The following VDR variants were observed in gnomAD, a reference collection of about 807,000 sequenced individuals.
The protein encoded by VDR is vitamin D receptor, also known as vitamin D3 receptor.
In VDR, 19 loss-of-function variants were observed where a neutral mutation model predicts 39.7. That is an observed-to-expected ratio of 0.48 (90% CI 0.33 to 0.70). The LOEUF is 0.70. VDR is among the 30% of genes least tolerant of loss of function. The probability of loss-of-function intolerance (pLI) is 0.02; values close to 1 mark genes in which losing one functional copy is unlikely to be tolerated. For synonymous variants in VDR, 242 were observed against 215.8 expected (o/e 1.12, Z -1.07); for missense variants, 442 against 570.5 (o/e 0.77, Z 2.29).
chr12:47,855,608 A>G, intron 7 of VDR, 22 bp downstream of exon 7: 1 of 1,613,924 alleles, frequency 6.2e-7, no homozygotes, highest in South Asian at 1.1e-5. Context: ...TCTGTTCCCC[A>G]GAGATTGCAG....
intron 1 of VDR, among the ~76,000 whole-genome samples, chr12:47,889,819 AC>A (rs1460349597): frequency 6.6e-6 from 1 of 152,204 alleles, no homozygotes; most frequent in East Asian, 1.9e-4. Flanking sequence ...GAAAACAAAA[AC>A]AAAAACAAAA....
intron 1 of VDR, among the ~76,000 whole-genome samples, chr12:47,895,572 G>A (rs3890734): frequency 0.27 from 40,553 of 151,858 alleles, 6,180 homozygotes; most frequent in Non-Finnish European, 0.34. Flanking sequence ...ACAGGAACAG[G>A]GTTTTTCCTA....
chr12:47,902,225 A>G (rs1303601482), intron 1 of VDR, among the ~76,000 whole-genome samples: 2 of 152,338 alleles, frequency 1.3e-5, no homozygotes, highest in South Asian at 2.1e-4. Flanking sequence ...CCAGTTTGCA[A>G]GATACATTAC....
In VDR at chr12:47,855,662, G is replaced by A. The variant is rs1264205729; in HGVS notation, c.723C>T (p.Val241=). Residue 241 remains valine, a synonymous_variant, in exon 7 of 10, where the codon GTC becomes GTT. Transcript: ENST00000549336. The stretch of plus-strand genomic sequence containing the variant: ...CTGGTATCATCTTAGCAAAGCCAAT[G>A]ACCTTTTGGATGCTGTAACTGACCA... The part of the protein sequence containing the change: ...ADLVSYSIQK[V]IGFAKMIPGF... The A allele has an allele frequency of 1.2e-6, 2 of 1,614,180 alleles. No individual in the cohort carries two copies. Among genetic ancestry groups the A allele is most frequent in the Admixed American group, 3.3e-5 (2 of 60,026 alleles).
chr12:47,865,195 A>T lies in VDR; in HGVS notation c.147-18T>A, dbSNP rs1420360367. On this transcript the variant is annotated intron_variant, in intron 3 of 9. Transcript: ENST00000549336. ...TGCTTCGCCTGCCGAGAGAGCACAC[A>T]CCCTGCCCTGGGTCACTGAACTTCC... is the stretch of plus-strand genomic sequence containing the variant. 6.2e-7 allele frequency: 1 copy of T among 1,609,402 alleles called. No individual in the cohort carries two copies. The highest frequency in any genetic ancestry group is 8.5e-7 in the Non-Finnish European group (1 of 1,177,898).
chr12:47,854,443 T>G (rs1289190239), intron 7 of VDR, among the ~76,000 whole-genome samples: 1 of 152,146 alleles, frequency 6.6e-6, no homozygotes, highest in African/African-American at 2.4e-5. Flanking sequence ...TCTTTAAATG[T>G]ACATTTTGGT....
At chr12:47,904,861 C>T (rs1197925259) in intron 1 of VDR, 94 bp downstream of exon 1, 1 of 367,530 alleles carries the variant, frequency 2.7e-6, no homozygotes, top group Non-Finnish European at 4.9e-6. Flanking sequence ...GACTCTAATG[C>T]TCGCAGCCGG....
chr12:47,884,475 C>T (rs564025854), intron 1 of VDR, among the ~76,000 whole-genome samples: 1 of 152,268 alleles, frequency 6.6e-6, no homozygotes, highest in African/African-American at 2.4e-5. Flanking sequence ...CAACTGGGTC[C>T]TTTTGCAATG....
In VDR at chr12:47,843,063, A is replaced by G. The variant is rs1257146713; in HGVS notation, c.*1683T>C. On this transcript the variant is annotated 3_prime_UTR_variant, in exon 10 of 10. Transcript: ENST00000549336. ...TACCTGCTACCCTGTATATTAGACT[A>G]TAATACAAATGGAGTCTGAGTCTGA... 6.6e-6 allele frequency: 1 copy of G among 152,188 alleles called. No homozygotes were observed. Among genetic ancestry groups the G allele is most frequent in the Non-Finnish European group, 1.5e-5 (1 of 68,028 alleles). 9.4% of individuals were successfully genotyped at this position (152,188 alleles called of 1,614,324 possible).
chr12:47,900,861 C>T (rs1175188669), intron 1 of VDR, among the ~76,000 whole-genome samples: 2 of 152,180 alleles, frequency 1.3e-5, no homozygotes, highest in African/African-American at 2.4e-5. Context: ...CTGCCCACAC[C>T]CTGCTTAGGA....
chr12:47,850,313 C>G (rs1945360509), intron 7 of VDR, among the ~76,000 whole-genome samples: 1 of 152,198 alleles, frequency 6.6e-6, no homozygotes. Flanking sequence ...CATGATGTTA[C>G]ATCATAACAG....
chr12:47,904,462 T>TAAAAAAAA lies in VDR; in HGVS notation c.-84+485_-84+492dup, dbSNP rs17886628. ...AACTCATTGGTAGTTCAAAGAAAAGTAAAAAAAAAAAAAAAAAAAAAAAAA... is the reference window on the plus strand; with the variant it reads ...AACTCATTGGTAGTTCAAAGAAAAGTAAAAAAAAAAAAAAAAAAAAAAAAAAAAAAAAA... On this transcript the variant is annotated intron_variant, in intron 1 of 9. Coordinates refer to ENST00000549336, the MANE Select transcript of VDR (RefSeq NM_000376.3). 37 of 360,320 alleles carry TAAAAAAAA rather than the reference T, an allele frequency of 1.0e-4. 1 individual carries two copies. Among genetic ancestry groups the TAAAAAAAA allele is most frequent in the African/African-American group, 7.1e-4 (17 of 23,978 alleles). 22.3% of individuals were successfully genotyped at this position (360,320 alleles called of 1,614,324 possible). A position where few individuals can be genotyped will look rare whatever the true frequency, so the allele number is the denominator to read the frequency against.
At chr12:47,863,972 A>C (rs962564446) in intron 4 of VDR, among the ~76,000 whole-genome samples, 3 of 151,606 alleles carry the variant, frequency 2.0e-5, no homozygotes, top group Non-Finnish European at 4.4e-5. Context: ...CTGTTACCTG[A>C]CCTCTCCCCA....
At position 47,879,027 on chromosome 12, in the gene VDR, G is replaced by C. The variant is rs1433706740; in HGVS notation, c.87C>G (p.Asp29Glu). 1 of 1,614,176 alleles carries C rather than the reference G, an allele frequency of 6.2e-7. No homozygotes were observed. The highest frequency in any genetic ancestry group is 8.5e-7 in the Non-Finnish European group (1 of 1,180,022). ...NVPRICGVCG[D>E]RATGFHFNAM... The stretch of plus-strand genomic sequence containing the variant: ...CATTGAAGTGAAAGCCAGTGGCTCG[G>C]TCTCCACACACCCCACAGATCCGGG... Residue 29 changes from aspartate to glutamate, a missense_variant, in exon 3 of 10, where the codon GAC (aspartate) becomes GAG (glutamate). By Grantham distance (45) the Asp-to-Glu change is conservative (BLOSUM62 2). Around this residue, in one of 5 missense-constraint regions of VDR, gnomAD observed 141 missense variants for 141.3 expected, o/e 1.00. Coordinates refer to ENST00000549336, the MANE Select transcript of VDR (RefSeq NM_000376.3).
At chr12:47,845,267 G>GTCC (rs1945258895) in intron 9 of VDR, among the ~76,000 whole-genome samples, 1 of 151,856 alleles carries the variant, frequency 6.6e-6, no homozygotes. Flanking sequence ...TCCATGCTCT[G>GTCC]TCCATCCCTC....
chr12:47,844,554 C>T lies in VDR; in HGVS notation c.*192G>A, dbSNP rs964600590. 128 of 746,282 alleles carry T rather than the reference C, an allele frequency of 1.7e-4. No homozygotes were observed. The highest frequency in any genetic ancestry group is 5.4e-4 in the East Asian group (20 of 37,118). 46.2% of individuals were successfully genotyped at this position (746,282 alleles called of 1,614,324 possible). ...CCTCATGGCTGAGGTCTCAAGGGACCGGGGAAAAGCCCGCAGGAAAGGGGT... is the reference window on the plus strand; with the variant it reads ...CCTCATGGCTGAGGTCTCAAGGGACTGGGGAAAAGCCCGCAGGAAAGGGGT... On this transcript the variant is annotated 3_prime_UTR_variant, in exon 10 of 10. Transcript: ENST00000549336.
chr12:47,873,583 G>A (rs1238428725), intron 3 of VDR, among the ~76,000 whole-genome samples: 4 of 151,186 alleles, frequency 2.6e-5, no homozygotes, highest in African/African-American at 9.7e-5. Flanking sequence ...GGATGGTCTC[G>A]ATCTCCTGAC....
chr12:47,846,883 G>T (rs887654945), intron 7 of VDR, 75 bp from the exon 8 acceptor site: 3 of 1,569,358 alleles, frequency 1.9e-6, no homozygotes, highest in African/African-American at 2.7e-5. Context: ...TTAGTGCTTT[G>T]ACAGGTATAC....
intron 7 of VDR, among the ~76,000 whole-genome samples, chr12:47,853,724 C>T (rs953324867): frequency 1.3e-5 from 2 of 152,010 alleles, no homozygotes; most frequent in East Asian, 1.9e-4. Flanking sequence ...CATTGTACTC[C>T]GGCCTGGGCA....
Sources: gnomAD v4.1 joint callset for allele counts (sites outside exome capture counted in the v4.1 genomes callset) on GRCh38, gnomAD v4.1.1 for gene constraint, gnomAD v4.1.1 regional missense constraint, MANE v1.5 for transcripts, NCBI Gene and HGNC (gene_info 2026-07-23, HGNC 2026-07-21) for gene names.